SNX18: variants seen among roughly 807,000 people sequenced by gnomAD.
SNX18 encodes the protein sorting nexin 18.
In SNX18, 35 loss-of-function variants were observed where a neutral mutation model predicts 48.7. That is an observed-to-expected ratio of 0.72 (90% CI 0.55 to 0.95). The LOEUF is 0.95. Among genes scored for constraint, SNX18 ranks in the 40% least tolerant of loss-of-function variants. The pLI is 0.00. For synonymous variants in SNX18, 492 were observed against 384.7 expected (o/e 1.28, Z -3.26); for missense variants, 824 against 871.0 (o/e 0.95, Z 0.68).
intron 1 of SNX18, among the ~76,000 whole-genome samples, chr5:54,532,035 A>G (rs1459891023): frequency 2.6e-5 from 4 of 152,166 alleles, no homozygotes; most frequent in African/African-American, 4.8e-5. Flanking sequence ...TGTGTGCTCT[A>G]TCTTGCCTTG....
At chr5:54,539,086 G>A (rs1762411659) in intron 1 of SNX18, among the ~76,000 whole-genome samples, 1 of 152,114 alleles carries the variant, frequency 6.6e-6, no homozygotes, top group Non-Finnish European at 1.5e-5. Flanking sequence ...AGGCTGGAGT[G>A]CAGTGGTGCG....
the SNX18 span, among the ~76,000 whole-genome samples, chr5:54,595,509 ATAGGTG>A: frequency 6.6e-6 from 1 of 152,178 alleles, no homozygotes; most frequent in Non-Finnish European, 1.5e-5. Context: ...TGCTGGGATT[ATAGGTG>A]TGAGCCACCG....
chr5:54,533,071 ATTCT>A (rs1307300986), intron 1 of SNX18, among the ~76,000 whole-genome samples: 5 of 152,240 alleles, frequency 3.3e-5, no homozygotes, highest in Middle Eastern at 3.4e-3. Context: ...AGAGGCCTGA[ATTCT>A]TTAAGTGATT....
Position 54,518,537 on chromosome 5 carries a change from G to A in SNX18, c.585G>A (p.Leu195=), listed in dbSNP as rs1761929291. ...AGVGAAGRYR[L]STRSDLSLGS... is the part of the protein sequence containing the mutation. ...TGGGCGCAGCCGGCCGCTACCGCCT[G>A]TCCACGCGCTCCGACCTGTCCCTGG... Residue 195 remains leucine (L), a synonymous_variant, in exon 1 of 2, where the codon CTG becomes CTA. Transcript: ENST00000381410. 6.3e-7 allele frequency: 1 copy of A among 1,580,718 alleles called. No homozygotes were observed. Among genetic ancestry groups the A allele is most frequent in the Non-Finnish European group, 8.6e-7 (1 of 1,164,524 alleles).
chr5:54,606,824 G>T, the SNX18 span, among the ~76,000 whole-genome samples: 1 of 152,004 alleles, frequency 6.6e-6, no homozygotes, highest in Non-Finnish European at 1.5e-5. Flanking sequence ...TTGTACTCAC[G>T]TGTGTGTATG....
rs1427699077 is a variant in SNX18 at position 54,518,153 on chromosome 5, G to A, written c.201G>A (p.Ala67=). The A allele has an allele frequency of 7.2e-7, 1 of 1,394,490 alleles. No homozygotes were observed. The highest frequency in any genetic ancestry group is 1.6e-5 in the South Asian group (1 of 63,074). 86.4% of individuals were successfully genotyped at this position (1,394,490 alleles called of 1,614,324 possible). A position where few individuals can be genotyped will look rare whatever the true frequency, so the allele number is the denominator to read the frequency against. The change falls in exon 1 of 2, where the codon GCG becomes GCA. Residue 67 remains alanine, a synonymous_variant. Coordinates refer to ENST00000381410, the MANE Select transcript of SNX18 (RefSeq NM_001102575.2). ...QVIRAPEPGP[A]GDGGPGAPAR... is the part of the protein sequence containing the mutation. ...TCCGCGCCCCCGAGCCTGGCCCGGC[G>A]GGAGACGGCGGCCCGGGCGCCCCGG...
At chr5:54,647,294 C>G in the SNX18 span, among the ~76,000 whole-genome samples, 1 of 152,188 alleles carries the variant, frequency 6.6e-6, no homozygotes, top group Non-Finnish European at 1.5e-5. Context: ...GCTATAAATT[C>G]AAATCTCTGT....
the SNX18 span, chr5:54,644,038 T>A: frequency 6.6e-6 from 1 of 152,242 alleles, no homozygotes; most frequent in African/African-American, 2.4e-5. Context: ...CTCTTTGGAC[T>A]CATTCCCTTA....
At chr5:54,542,293 C>T (rs1389210419) in intron 1 of SNX18, among the ~76,000 whole-genome samples, 1 of 152,120 alleles carries the variant, frequency 6.6e-6, no homozygotes, top group Non-Finnish European at 1.5e-5. Flanking sequence ...AATCCTTCAC[C>T]CCCACCCCTG....
chr5:54,582,015 C>A, the SNX18 span, among the ~76,000 whole-genome samples: 1 of 152,128 alleles, frequency 6.6e-6, no homozygotes, highest in Admixed American at 6.5e-5. Flanking sequence ...ATATGAGTGC[C>A]AAGAAAGCCA....
chr5:54,576,925 C>A, the SNX18 span, among the ~76,000 whole-genome samples: 11 of 152,268 alleles, frequency 7.2e-5, no homozygotes, highest in East Asian at 1.7e-3. Flanking sequence ...CCTCAGCCTC[C>A]CGAGTAGCTG....
In SNX18 at chr5:54,519,497, G is replaced by A. The variant is rs1761967434; in HGVS notation, c.1545G>A (p.Leu515=). Residue 515 remains leucine, a synonymous_variant, in exon 1 of 2, where the codon CTG becomes CTA. Coordinates refer to ENST00000381410, the MANE Select transcript of SNX18 (RefSeq NM_001102575.2). ...TCGCGGAGCAGCCCAGGCAGGACCT[G>A]GATCCCGTCATGGACCTATTAGCGC... ...ELFAEQPRQD[L]DPVMDLLALY... The A allele has an allele frequency of 3.1e-6, 5 of 1,614,218 alleles. No individual in the cohort carries two copies. In the East Asian group the frequency reaches 6.7e-5, roughly 22 times the overall value.
chr5:54,551,549 T>C (rs1305391220), downstream of SNX18, among the ~76,000 whole-genome samples: 1 of 152,202 alleles, frequency 6.6e-6, no homozygotes, highest in Non-Finnish European at 1.5e-5. Flanking sequence ...GCTCTAGGAA[T>C]GATACTGCCG....
At chr5:54,528,613 G>A (rs767498263) in intron 1 of SNX18, among the ~76,000 whole-genome samples, 2 of 152,148 alleles carry the variant, frequency 1.3e-5, no homozygotes, top group South Asian at 2.1e-4. Flanking sequence ...CAAGGTACCC[G>A]GTGCTCAGGT....
the SNX18 span, among the ~76,000 whole-genome samples, chr5:54,591,241 G>A: frequency 1.3e-5 from 2 of 151,990 alleles, no homozygotes; most frequent in African/African-American, 4.8e-5. Flanking sequence ...GTGCAGTGGT[G>A]TGATCATAGT....
intron 1 of SNX18, among the ~76,000 whole-genome samples, chr5:54,538,330 G>A (rs979068357): frequency 3.9e-5 from 6 of 152,226 alleles, no homozygotes; most frequent in African/African-American, 1.4e-4. Context: ...GAGGCGGGTA[G>A]AGGGAAGCTT....
At chr5:54,528,752 G>A (rs752826746) in intron 1 of SNX18, among the ~76,000 whole-genome samples, 13 of 152,284 alleles carry the variant, frequency 8.5e-5, no homozygotes, top group Non-Finnish European at 1.8e-4. Context: ...GTTCAGAGGT[G>A]GCTTCTGCCA....
the SNX18 span, among the ~76,000 whole-genome samples, chr5:54,579,441 T>A: frequency 2.0e-5 from 3 of 152,242 alleles, no homozygotes; most frequent in Non-Finnish European, 4.4e-5. Flanking sequence ...TTATATTAAC[T>A]TTTTTGGTTA....
the SNX18 span, among the ~76,000 whole-genome samples, chr5:54,639,994 G>A: frequency 6.6e-6 from 1 of 152,134 alleles, no homozygotes; most frequent in African/African-American, 2.4e-5. Context: ...ATTCTGTTGG[G>A]GATCCAGTTA....
Sources: allele counts gnomAD v4.1 joint callset (sites outside exome capture counted in the v4.1 genomes callset), GRCh38; gene constraint gnomAD v4.1.1; transcripts MANE v1.5; gene names NCBI Gene and HGNC (gene_info 2026-07-23, HGNC 2026-07-21).